Variants in CTDP1 observed in about 807,000 individuals in gnomAD.
CTDP1 encodes CTD phosphatase 1, also known as RNA polymerase II subunit A C-terminal domain phosphatase.
In CTDP1, 47 loss-of-function variants were observed where a neutral mutation model predicts 91.8. The ratio of observed to expected loss-of-function variants is 0.51; its 90% confidence interval spans 0.41 to 0.65. The LOEUF (loss-of-function observed/expected upper bound fraction) is 0.65. CTDP1 is among the 30% of genes least tolerant of loss of function. CTDP1 has a pLI of 0.00. For missense variants in CTDP1, 1,272 were observed against 1,373.7 expected, an observed-to-expected ratio of 0.93 and a Z score of 1.17; for synonymous variants, 656 against 598.5, an observed-to-expected ratio of 1.10 and a Z score of -1.40.
At chr18:79,741,391 C>G (rs1247373371) in intron 12 of CTDP1, among the ~76,000 whole-genome samples, 1 of 152,188 alleles carries the variant, frequency 6.6e-6, no homozygotes, top group Non-Finnish European at 1.5e-5. Context: ...TCCTAGAGTT[C>G]GCGGAGAAGT....
At chr18:79,711,428 A>G (rs1568191462) in intron 6 of CTDP1, among the ~76,000 whole-genome samples, 1 of 152,110 alleles carries the variant, frequency 6.6e-6, no homozygotes. Context: ...CTCCTGGGGA[A>G]CTCAGCGACT....
At chr18:79,741,663 C>T (rs1304957383) in intron 12 of CTDP1, among the ~76,000 whole-genome samples, 1 of 152,226 alleles carries the variant, frequency 6.6e-6, no homozygotes. Context: ...TCCCAACACT[C>T]AGCTCTTCTC....
At chr18:79,728,450 G>GT (rs2086496077) in intron 10 of CTDP1, among the ~76,000 whole-genome samples, 1 of 152,128 alleles carries the variant, frequency 6.6e-6, no homozygotes, top group Non-Finnish European at 1.5e-5. Context: ...TCACTTGGCC[G>GT]TTTTTTGTGT....
downstream of CTDP1, chr18:79,755,033 G>A (rs150534107): frequency 7.4e-3 from 1,135 of 152,488 alleles, 5 homozygotes; most frequent in Middle Eastern, 0.017. Flanking sequence ...GCTCTCGCGG[G>A]ACCTCCAGGC....
intron 10 of CTDP1, among the ~76,000 whole-genome samples, chr18:79,725,384 GTC>G (rs1373158737): frequency 6.6e-6 from 1 of 152,170 alleles, no homozygotes; most frequent in Non-Finnish European, 1.5e-5. Flanking sequence ...AGACCGTCTG[GTC>G]CTGGAGATTT....
At chr18:79,715,663 A>G (rs2086192085) in intron 8 of CTDP1, 135 bp downstream of exon 8, 2 of 1,018,474 alleles carry the variant, frequency 2.0e-6, no homozygotes, top group African/African-American at 1.6e-5. Context: ...TCTTTTAAGA[A>G]TAGATCATGA....
At chr18:79,708,887 C>T (rs544299226) in intron 5 of CTDP1, among the ~76,000 whole-genome samples, 19 of 152,238 alleles carry the variant, frequency 1.2e-4, no homozygotes, top group East Asian at 1.9e-4. Flanking sequence ...TATTCATTCC[C>T]GCACCTTATA....
chr18:79,714,748 G>T lies in CTDP1; in HGVS notation c.1288G>T (p.Ala430Ser). 1.2e-6 allele frequency: 2 copies of T among 1,601,430 alleles called. No individual in the cohort carries two copies. The highest frequency in any genetic ancestry group is 1.7e-4 in the Middle Eastern group (1 of 6,046). Residue 430 changes from alanine to serine, a missense_variant, in exon 8 of 13, where the codon GCG becomes TCG. Coordinates refer to ENST00000613122, the MANE Select transcript of CTDP1 (RefSeq NM_004715.5). ...CGCTCCTGAGCCCCAGGGATCCTGT[G>T]CGCAGGGTGGCCGGGTGGCACCGGG... ...AGAPEPQGSC[A>S]QGGRVAPGQR...
chr18:79,736,565 C>T (rs1004642756), intron 12 of CTDP1, 44 bp downstream of exon 12: 86 of 1,487,812 alleles, frequency 5.8e-5, no homozygotes, highest in East Asian at 7.5e-5. Flanking sequence ...CACGGGCTCC[C>T]GGAGGTGACT....
Position 79,680,133 on chromosome 18 carries a change from GGCCTCTCAGTCCCGTGTA to G in CTDP1, c.192_209del (p.Gln65_Ser70del). ...CCGCCGCCTCCGCGCAGTCCTCCGG[GGCCTCTCAGTCCCGTGTA>G]GCCTCCGGGGGCTGCGTGCGCCCCG... On this transcript the variant is annotated inframe_deletion, in exon 1 of 13. Coordinates refer to ENST00000613122, the MANE Select transcript of CTDP1 (RefSeq NM_004715.5). 7.0e-7 allele frequency: 1 copy of G among 1,431,232 alleles called. No homozygotes were observed. The highest frequency in any genetic ancestry group is 9.1e-7 in the Non-Finnish European group (1 of 1,094,558). The allele number at this position is 1,431,232 out of a possible 1,614,324, so 88.7% of individuals were successfully genotyped here.
chr18:79,736,569 G>A (rs753724683), intron 12 of CTDP1, 48 bp downstream of exon 12: 4 of 1,484,382 alleles, frequency 2.7e-6, no homozygotes, highest in African/African-American at 2.8e-5. Context: ...GGCTCCCGGA[G>A]GTGACTCTGC....
At position 79,697,996 on chromosome 18, in the gene CTDP1, C is replaced by A. The variant is rs2085782695; in HGVS notation, c.621+8C>A. ...CAGCAGATGTCGAATAAAGTGAGTG[C>A]AGTCAGCATCTACGGACAGTTTCCC... On this transcript the variant is annotated splice_region_variant and intron_variant, in intron 4 of 12. Transcript: ENST00000613122. The A allele has an allele frequency of 6.2e-7, 1 of 1,614,054 alleles. No homozygotes were observed. Among genetic ancestry groups the A allele is most frequent in the Non-Finnish European group, 8.5e-7 (1 of 1,180,024 alleles).
upstream of CTDP1, chr18:79,679,001 T>C (rs77067725): frequency 0.062 from 13,874 of 224,504 alleles, 638 homozygotes; most frequent in South Asian, 0.14. Flanking sequence ...CCAGCTTAAT[T>C]CACGTAAATT....
At chr18:79,734,155 G>C (rs1290839408) in intron 11 of CTDP1, among the ~76,000 whole-genome samples, 1 of 152,200 alleles carries the variant, frequency 6.6e-6, no homozygotes, top group Non-Finnish European at 1.5e-5. Flanking sequence ...GCCTTGTGCT[G>C]GACGACTTTG....
chr18:79,682,719 G>A (rs1379082093), intron 1 of CTDP1, among the ~76,000 whole-genome samples: 1 of 152,186 alleles, frequency 6.6e-6, no homozygotes, highest in East Asian at 1.9e-4. Flanking sequence ...CGGGACCTGA[G>A]TATCTGTGGA....
chr18:79,716,462 G>A (rs1015735844), intron 8 of CTDP1, among the ~76,000 whole-genome samples: 3 of 152,256 alleles, frequency 2.0e-5, no homozygotes, highest in Non-Finnish European at 4.4e-5. Flanking sequence ...CTGCAGGGCA[G>A]AGGCGGGCTT....
chr18:79,679,845 AG>A lies in CTDP1; in HGVS notation c.-101del, dbSNP rs2085316151. The A allele has an allele frequency of 9.0e-7, 1 of 1,114,286 alleles. No individual in the cohort carries two copies. The highest frequency in any genetic ancestry group is 1.7e-5 in the African/African-American group (1 of 59,886). 69.0% of individuals were successfully genotyped at this position (1,114,286 alleles called of 1,614,324 possible). On this transcript the variant is annotated 5_prime_UTR_variant, in exon 1 of 13. Transcript: ENST00000613122. ...GCGACGGGTGGAAGCCGGTACCGAG[AG>A]GAACTACAGCGTCGCCGCCTGGGTT...
upstream of CTDP1, chr18:79,678,229 T>A (rs1379916855): frequency 1.3e-5 from 2 of 152,242 alleles, no homozygotes; most frequent in Admixed American, 6.5e-5. Flanking sequence ...GACATTCAAA[T>A]GAGGCGACAA....
chr18:79,715,316 C>T lies in CTDP1; in HGVS notation c.1856C>T (p.Ala619Val), dbSNP rs1285907188. The T allele has an allele frequency of 3.4e-5, 55 of 1,609,430 alleles. No homozygotes were observed. Among genetic ancestry groups the T allele is most frequent in the Non-Finnish European group, 4.5e-5 (53 of 1,177,812 alleles). Residue 619 changes from alanine (A) to valine (V), a missense_variant, in exon 8 of 13, where the codon GCG (alanine) becomes GTG (valine). By Grantham distance (64) the Ala-to-Val change is moderately conservative. Transcript: ENST00000613122. The part of the protein sequence containing the change: ...DRYLNKEIEE[A>V]PDIRKIVPEL... Reference sequence around the variant, plus strand: ...TACCTCAACAAGGAGATCGAGGAGGCGCCGGACATCCGCAAGATCGTGCCG... The same window carrying T: ...TACCTCAACAAGGAGATCGAGGAGGTGCCGGACATCCGCAAGATCGTGCCG...
Sources: allele counts gnomAD v4.1 joint callset (sites outside exome capture counted in the v4.1 genomes callset), GRCh38; gene constraint gnomAD v4.1.1; transcripts MANE v1.5; gene names NCBI Gene and HGNC (gene_info 2026-07-23, HGNC 2026-07-21).